Variants in GRM7 observed in about 807,000 individuals in gnomAD.
The protein encoded by GRM7 is glutamate metabotropic receptor 7, also known as metabotropic glutamate receptor 7.
A neutral mutation model predicts 84.5 loss-of-function variants in GRM7; 35 were observed. The observed-to-expected ratio is 0.41, with a 90% confidence interval of 0.32 to 0.55. The LOEUF is 0.55. GRM7 is among the 20% of genes least tolerant of loss of function. The pLI is 0.19. For missense variants in GRM7, 1,003 were observed against 1,194.6 expected, an observed-to-expected ratio of 0.84 and a Z score of 2.36; for synonymous variants, 487 against 455.1, an observed-to-expected ratio of 1.07 and a Z score of -0.89.
intron 1 of GRM7, among the ~76,000 whole-genome samples, chr3:6,935,053 T>A (rs964279669): frequency 6.6e-6 from 1 of 152,210 alleles, no homozygotes; most frequent in African/African-American, 2.4e-5. Flanking sequence ...TCATCTTGCA[T>A]CCCTTGCCCT....
intron 8 of GRM7, among the ~76,000 whole-genome samples, chr3:7,646,866 A>C (rs1039771945): frequency 6.6e-6 from 1 of 152,152 alleles, no homozygotes. Context: ...TCAGAATAGC[A>C]TTTCCTCAGG....
At chr3:7,411,794 C>T (rs370064178) in intron 4 of GRM7, among the ~76,000 whole-genome samples, 1 of 152,120 alleles carries the variant, frequency 6.6e-6, no homozygotes, top group African/African-American at 2.4e-5. Flanking sequence ...TGTGTGTAAA[C>T]TTTCTCTAGT....
chr3:7,666,102 G>T (rs1026073888), intron 8 of GRM7, among the ~76,000 whole-genome samples: 2 of 152,162 alleles, frequency 1.3e-5, no homozygotes, highest in South Asian at 4.1e-4. Flanking sequence ...AATGAAAAGA[G>T]CAGGCTGCTC....
chr3:6,970,798 TGAAACC>T (rs1693722059), intron 1 of GRM7, among the ~76,000 whole-genome samples: 1 of 152,098 alleles, frequency 6.6e-6, no homozygotes, highest in African/African-American at 2.4e-5. Flanking sequence ...GCTAACACGG[TGAAACC>T]CCGTTTCTAC....
chr3:7,297,350 A>T (rs1391068212), intron 2 of GRM7, among the ~76,000 whole-genome samples: 1 of 152,192 alleles, frequency 6.6e-6, no homozygotes, highest in Non-Finnish European at 1.5e-5. Context: ...TATACTGAGA[A>T]AATACTTTAT....
chr3:7,080,090 T>C (rs1698228841), intron 1 of GRM7, among the ~76,000 whole-genome samples: 1 of 152,102 alleles, frequency 6.6e-6, no homozygotes, highest in Non-Finnish European at 1.5e-5. Context: ...CCCATTAGCA[T>C]CTTTTTTATA....
At chr3:6,933,045 G>A (rs536965381) in intron 1 of GRM7, among the ~76,000 whole-genome samples, 5 of 152,214 alleles carry the variant, frequency 3.3e-5, no homozygotes, top group South Asian at 2.1e-4. Context: ...ATGAGCCACC[G>A]TGCCTAGCCT....
intron 1 of GRM7, among the ~76,000 whole-genome samples, chr3:6,901,526 A>T (rs1296039576): frequency 7.1e-6 from 1 of 139,974 alleles, no homozygotes; most frequent in African/African-American, 2.6e-5. Context: ...GGAACCCGAT[A>T]GGTGGAGGTT....
chr3:7,290,211 A>G (rs564187907), intron 2 of GRM7, among the ~76,000 whole-genome samples: 2 of 152,318 alleles, frequency 1.3e-5, no homozygotes, highest in East Asian at 3.9e-4. Flanking sequence ...AAGGAGTATG[A>G]CATCAGAAAT....
At chr3:7,142,256 T>C (rs1383548655) in intron 1 of GRM7, among the ~76,000 whole-genome samples, 1 of 152,082 alleles carries the variant, frequency 6.6e-6, no homozygotes, top group Non-Finnish European at 1.5e-5. Context: ...TATAAGCTCA[T>C]AGCAATAATT....
chr3:6,883,337 T>C (rs1411591413), intron 1 of GRM7, among the ~76,000 whole-genome samples: 1 of 152,100 alleles, frequency 6.6e-6, no homozygotes, highest in East Asian at 1.9e-4. Context: ...TAAATTATAA[T>C]CTCATGTTTA....
intron 1 of GRM7, among the ~76,000 whole-genome samples, chr3:7,017,548 G>C (rs1575134665): frequency 6.6e-6 from 1 of 152,170 alleles, no homozygotes; most frequent in East Asian, 1.9e-4. Context: ...AAGTAATGCT[G>C]TGGCCATCAT....
chr3:7,469,594 T>C (rs932035784), intron 7 of GRM7, among the ~76,000 whole-genome samples: 15 of 152,152 alleles, frequency 9.9e-5, no homozygotes, highest in African/African-American at 3.6e-4. Flanking sequence ...TACACTTTAA[T>C]GCTACATTAC....
At chr3:7,618,130 A>G (rs1697191045) in intron 8 of GRM7, among the ~76,000 whole-genome samples, 1 of 152,130 alleles carries the variant, frequency 6.6e-6, no homozygotes, top group Non-Finnish European at 1.5e-5. Flanking sequence ...GTTGGCTGAT[A>G]TAATTATTAC....
At chr3:7,630,414 A>G (rs1226064457) in intron 8 of GRM7, among the ~76,000 whole-genome samples, 2 of 152,206 alleles carry the variant, frequency 1.3e-5, no homozygotes, top group East Asian at 3.9e-4. Flanking sequence ...GTGATTGTCA[A>G]TTCAGGTGTC....
At chr3:7,509,586 G>T (rs1378351483) in intron 7 of GRM7, among the ~76,000 whole-genome samples, 4 of 152,192 alleles carry the variant, frequency 2.6e-5, no homozygotes, top group Non-Finnish European at 5.9e-5. Flanking sequence ...CCACTTCATA[G>T]TGAACTTTCA....
rs576637036 is a variant in GRM7, at chr3:6,862,594, C to T, written c.519+687C>T. 412 of 197,054 alleles carry T rather than the reference C, an allele frequency of 2.1e-3. 2 individuals carry two copies. Among genetic ancestry groups the T allele is most frequent in the Non-Finnish European group, 3.8e-3 (368 of 96,448 alleles). The allele number at this position is 197,054 out of a possible 1,614,324, so 12.2% of individuals were successfully genotyped here. A position where few individuals can be genotyped will look rare whatever the true frequency, so the allele number is the denominator to read the frequency against. Reference sequence around the variant, plus strand: ...TGCTCCGGGCAATATTTTGCACCGTCTAAATTACATGTGCGATCCGGCCAC... The same window carrying T: ...TGCTCCGGGCAATATTTTGCACCGTTTAAATTACATGTGCGATCCGGCCAC... On this transcript the variant is annotated intron_variant, in intron 1 of 9. Transcript: ENST00000357716. This position sits in a 1 kb window ranked among gnomAD's most constrained non-coding sequence, Gnocchi z 5.2.
Position 7,045,168 on chromosome 3 carries a change from T to C in GRM7, c.520-101284T>C, listed in dbSNP as rs564529897. Among the ~76,000 whole-genome samples, 4 of 152,294 alleles carry C rather than the reference T, an allele frequency of 2.6e-5. No individual in the cohort carries two copies. The South Asian group carries it at 8.3e-4, about 32-fold the overall frequency. On this transcript the variant is annotated intron_variant, in intron 1 of 9. Transcript: ENST00000357716. ...TAAGTTGACGTGTTAGGGCTGTTAGTATCAGCGGTAATAAATTGTACAAAA... is the reference window on the plus strand; with the variant it reads ...TAAGTTGACGTGTTAGGGCTGTTAGCATCAGCGGTAATAAATTGTACAAAA...
At chr3:7,670,576 T>C (rs1671076925) in intron 8 of GRM7, among the ~76,000 whole-genome samples, 1 of 152,234 alleles carries the variant, frequency 6.6e-6, no homozygotes, top group Admixed American at 6.5e-5. Context: ...TTTTAACTAT[T>C]TATTTGACAT....
Sources: gnomAD v4.1 joint callset for allele counts (sites outside exome capture counted in the v4.1 genomes callset) on GRCh38, gnomAD v4.1.1 for gene constraint, Gnocchi (gnomAD v3.1) non-coding constraint, MANE v1.5 for transcripts, NCBI Gene and HGNC (gene_info 2026-07-23, HGNC 2026-07-21) for gene names.